Variants in AP3S2 observed in about 807,000 individuals in gnomAD.
The protein encoded by AP3S2 is AP-3 complex subunit sigma-2.
AP3S2 carries 22 observed loss-of-function variants against 23.4 expected under a neutral mutation model. That is an observed-to-expected ratio of 0.94 (90% CI 0.67 to 1.34). The LOEUF is 1.34. Ranked by LOEUF, AP3S2 falls within the 40% of genes most tolerant of loss-of-function variation. AP3S2 has a pLI of 0.00. For synonymous variants in AP3S2, 86 were observed against 87.1 expected (o/e 0.99, Z 0.07); for missense variants, 241 against 236.9 (o/e 1.02, Z -0.11).
At chr15:89,837,255 A>C (rs529290667) in intron 5 of AP3S2, among the ~76,000 whole-genome samples, 1 of 152,272 alleles carries the variant, frequency 6.6e-6, no homozygotes, top group African/African-American at 2.4e-5. Flanking sequence ...AGGAAACCAC[A>C]CTGGACTAGG....
intron 1 of AP3S2, among the ~76,000 whole-genome samples, chr15:89,892,920 T>C (rs1011833066): frequency 4.6e-5 from 7 of 152,160 alleles, no homozygotes; most frequent in African/African-American, 1.7e-4. Context: ...CGCCTCGGCC[T>C]CCCAAAGTGC....
chr15:89,882,065 G>A (rs993590119), intron 3 of AP3S2, among the ~76,000 whole-genome samples: 6 of 151,946 alleles, frequency 3.9e-5, no homozygotes, highest in African/African-American at 7.2e-5. Flanking sequence ...CAGGTGATCC[G>A]CCCGCCTCGG....
chr15:89,835,718 A>AAAGC, intron 5 of AP3S2, 75 bp from the exon 6 acceptor site: 1 of 1,498,166 alleles, frequency 6.7e-7, no homozygotes, highest in Non-Finnish European at 8.9e-7. Flanking sequence ...AAAAAAAAAA[A>AAAGC]AAAAGCAAAA....
intron 1 of AP3S2, among the ~76,000 whole-genome samples, chr15:89,891,363 T>A (rs546830842): frequency 3.9e-5 from 6 of 152,116 alleles, no homozygotes; most frequent in Middle Eastern, 3.4e-3. Flanking sequence ...GAAACTGAAA[T>A]CAAAACCACA....
chr15:89,849,179 T>C (rs1178875773), intron 4 of AP3S2, among the ~76,000 whole-genome samples: 1 of 152,154 alleles, frequency 6.6e-6, no homozygotes, highest in Non-Finnish European at 1.5e-5. Context: ...AAAGTTGACT[T>C]CTAGCTAGGG....
At chr15:89,843,909 G>A (rs1165375253) in intron 4 of AP3S2, among the ~76,000 whole-genome samples, 1 of 152,124 alleles carries the variant, frequency 6.6e-6, no homozygotes, top group Non-Finnish European at 1.5e-5. Context: ...ATAGGATTAG[G>A]GTAACAACAG....
chr15:89,886,535 A>G (rs543006678), intron 3 of AP3S2: 3 of 152,172 alleles, frequency 2.0e-5, no homozygotes, highest in African/African-American at 7.2e-5. Context: ...CATAGTGGCA[A>G]TGCTAATCTT....
chr15:89,861,656 A>C (rs1312666779), intron 4 of AP3S2, among the ~76,000 whole-genome samples: 1 of 152,128 alleles, frequency 6.6e-6, no homozygotes, highest in Non-Finnish European at 1.5e-5. Flanking sequence ...TTAAATCATG[A>C]GCAACCTTAT....
intron 4 of AP3S2, among the ~76,000 whole-genome samples, chr15:89,856,883 A>AAAAG (rs1555446362): frequency 2.0e-5 from 3 of 149,920 alleles, no homozygotes; most frequent in Non-Finnish European, 2.9e-5. Flanking sequence ...AAAAAAAAAA[A>AAAAG]AAAAGAAAAG....
chr15:89,856,798 G>A (rs7183842), intron 4 of AP3S2, among the ~76,000 whole-genome samples: 106,606 of 148,786 alleles, frequency 0.72, 38,490 homozygotes, highest in East Asian at 0.8. Flanking sequence ...GCTTAAACCC[G>A]GGAGGCAGAG....
chr15:89,871,116 C>T (rs879782257), intron 4 of AP3S2, among the ~76,000 whole-genome samples: 1 of 152,184 alleles, frequency 6.6e-6, no homozygotes, highest in Non-Finnish European at 1.5e-5. Flanking sequence ...TCCAAAGTTT[C>T]ATTGTCACTG....
intron 4 of AP3S2, among the ~76,000 whole-genome samples, chr15:89,866,599 T>C (rs1008329338): frequency 6.6e-5 from 10 of 151,736 alleles, no homozygotes; most frequent in African/African-American, 2.4e-4. Context: ...GATTCTCCTG[T>C]CTCAGCCTCC....
chr15:89,843,520 C>T (rs895062986), intron 4 of AP3S2, among the ~76,000 whole-genome samples: 67 of 152,186 alleles, frequency 4.4e-4, no homozygotes, highest in Non-Finnish European at 2.4e-4. Context: ...CACCTGTAAT[C>T]CCAGCTACTC....
At position 89,888,679 on chromosome 15, in the gene AP3S2, C is replaced by T. The variant is rs1041733931; in HGVS notation, c.162-47G>A. ...TAAATGCCCACAGCTTAATTAAACA[C>T]ATCAAAAAGAAACCTTGTGCCAAAG... On this transcript the variant is annotated intron_variant, in intron 2 of 5. Transcript: ENST00000336418. 6 of 1,565,126 alleles carry T rather than the reference C, an allele frequency of 3.8e-6. No homozygotes were observed. The African/African-American group carries it at 8.2e-5, about 21-fold the overall frequency.
intron 1 of AP3S2, among the ~76,000 whole-genome samples, chr15:89,889,832 C>G (rs946147540): frequency 3.6e-5 from 5 of 139,640 alleles, no homozygotes; most frequent in Admixed American, 7.5e-5. Context: ...CCACTGCACT[C>G]CAGCATGGGC....
chr15:89,838,197 A>G, intron 4 of AP3S2: 1 of 160,678 alleles, frequency 6.2e-6, no homozygotes, highest in Non-Finnish European at 1.4e-5. Flanking sequence ...AAGTAGGTCC[A>G]GCTATGACAG....
chr15:89,837,890 C>T (rs750895408), intron 4 of AP3S2, 168 bp from the exon 5 acceptor site: 17 of 668,986 alleles, frequency 2.5e-5, no homozygotes, highest in Non-Finnish European at 3.9e-5. Flanking sequence ...GGGTCTCTCC[C>T]AGGTCTTGGC....
chr15:89,888,091 A>T (rs2141902268), intron 3 of AP3S2, among the ~76,000 whole-genome samples: 1 of 152,346 alleles, frequency 6.6e-6, no homozygotes, highest in Admixed American at 6.5e-5. Context: ...TAAGTTTTCA[A>T]TGTAGCATCT....
In AP3S2 at chr15:89,832,525, G is replaced by A. The variant is rs1596181386; in HGVS notation, c.*2990C>T. 2 of 127,190 alleles carry A rather than the reference G, an allele frequency of 1.6e-5. No individual in the cohort carries two copies. Among genetic ancestry groups the A allele is most frequent in the Admixed American group, 9.4e-5 (1 of 10,620 alleles). The allele number at this position is 127,190 out of a possible 1,614,324, so 7.9% of individuals were successfully genotyped here. Reference sequence around the variant, plus strand: ...TTTTTTTGAGACGGAGTCTTGCTGTGTTGCCCAGGCTGGAGTGTAGTGGTG... The same window carrying A: ...TTTTTTTGAGACGGAGTCTTGCTGTATTGCCCAGGCTGGAGTGTAGTGGTG... On this transcript the variant is annotated 3_prime_UTR_variant, in exon 6 of 6. Transcript: ENST00000336418.
Sources: gnomAD v4.1 joint callset for allele counts (sites outside exome capture counted in the v4.1 genomes callset) on GRCh38, gnomAD v4.1.1 for gene constraint, MANE v1.5 for transcripts, NCBI Gene and HGNC (gene_info 2026-07-23, HGNC 2026-07-21) for gene names.